The following RPS6KC1 variants were observed in gnomAD, a reference collection of about 807,000 sequenced individuals.
The protein encoded by RPS6KC1 is ribosomal protein S6 kinase C1, also known as inactive ribosomal protein S6 kinase delta-1.
Under a neutral mutation model 103.8 loss-of-function variants are expected in RPS6KC1, and 54 were observed. The observed-to-expected ratio is 0.52, with a 90% CI of 0.42 to 0.65. The LOEUF is 0.65. RPS6KC1 is among the 30% of genes least tolerant of loss of function. The probability of loss-of-function intolerance (pLI) is 0.00; values close to 1 mark genes in which losing one functional copy is unlikely to be tolerated. For missense variants in RPS6KC1, 1,151 were observed against 1,253.8 expected, an observed-to-expected ratio of 0.92 and a Z score of 1.24; for synonymous variants, 439 against 438.7, an observed-to-expected ratio of 1.00 and a Z score of -0.01.
At chr1:213,517,887 G>A in the RPS6KC1 span, among the ~76,000 whole-genome samples, 1 of 152,114 alleles carries the variant, frequency 6.6e-6, no homozygotes, top group African/African-American at 2.4e-5. Flanking sequence ...GGTGTCTAAG[G>A]ACTTGCTTTA....
At chr1:213,214,780 C>A (rs561094552) in intron 8 of RPS6KC1, among the ~76,000 whole-genome samples, 1 of 152,306 alleles carries the variant, frequency 6.6e-6, no homozygotes, top group African/African-American at 2.4e-5. Context: ...TGGAGTGGAC[C>A]TCCGGCAAAC....
At position 213,272,506 on chromosome 1, in the gene RPS6KC1, A is replaced by C. The variant is rs777429071; in HGVS notation, c.3091-18A>C. 11 of 1,595,290 alleles carry C rather than the reference A, an allele frequency of 6.9e-6. No homozygotes were observed. In the East Asian group the frequency reaches 2.2e-4, roughly 32 times the overall value. ...GCCAGTTGGATTCCTGTTACTCACT[A>C]AGTCCGTCTTTTTTTAGCTCTTGCA... On this transcript the variant is annotated intron_variant, in intron 14 of 14. Coordinates refer to ENST00000366960, the MANE Select transcript of RPS6KC1 (RefSeq NM_012424.6).
chr1:213,632,123 TA>T, the RPS6KC1 span, among the ~76,000 whole-genome samples: 12 of 152,236 alleles, frequency 7.9e-5, no homozygotes, highest in Non-Finnish European at 1.8e-4. Context: ...TATTCCACCA[TA>T]CACTTTTATC....
chr1:213,292,777 G>T, the RPS6KC1 span, among the ~76,000 whole-genome samples: 3 of 152,178 alleles, frequency 2.0e-5, no homozygotes, highest in African/African-American at 2.4e-5. Flanking sequence ...AGAACTGCAG[G>T]CCCTCTTAAA....
At chr1:213,449,722 T>C in the RPS6KC1 span, among the ~76,000 whole-genome samples, 1 of 152,370 alleles carries the variant, frequency 6.6e-6, no homozygotes, top group African/African-American at 2.4e-5. Flanking sequence ...TTCTGACGGC[T>C]CTGTCTCCTG....
chr1:213,097,930 G>A (rs2081614969), intron 3 of RPS6KC1, among the ~76,000 whole-genome samples: 1 of 152,170 alleles, frequency 6.6e-6, no homozygotes, highest in South Asian at 2.1e-4. Flanking sequence ...CCTTGCTCTG[G>A]AGTATGCTTT....
the RPS6KC1 span, among the ~76,000 whole-genome samples, chr1:213,364,106 C>G: frequency 1.3e-5 from 2 of 152,226 alleles, no homozygotes; most frequent in South Asian, 4.1e-4. Context: ...GTTATGCCTA[C>G]TCAACTCTGT....
the RPS6KC1 span, among the ~76,000 whole-genome samples, chr1:213,552,140 T>C: frequency 1.3e-4 from 20 of 152,216 alleles, no homozygotes; most frequent in African/African-American, 4.6e-4. Flanking sequence ...TTTTGTCAAT[T>C]ATGAATAAAC....
the RPS6KC1 span, among the ~76,000 whole-genome samples, chr1:213,755,500 A>G: frequency 6.6e-6 from 1 of 152,350 alleles, no homozygotes; most frequent in Non-Finnish European, 1.5e-5. Context: ...CCTCCACAGC[A>G]TCAGAAGAGC....
At chr1:213,391,979 T>A in the RPS6KC1 span, among the ~76,000 whole-genome samples, 1 of 152,168 alleles carries the variant, frequency 6.6e-6, no homozygotes, top group Non-Finnish European at 1.5e-5. Context: ...CTGCATGACC[T>A]CTCATAGTTA....
At chr1:213,232,675 G>T (rs2094131468) in intron 10 of RPS6KC1, among the ~76,000 whole-genome samples, 1 of 152,144 alleles carries the variant, frequency 6.6e-6, no homozygotes, top group African/African-American at 2.4e-5. Flanking sequence ...GAAGGCAAGG[G>T]TGTTGGCTTA....
At chr1:213,625,152 C>A in the RPS6KC1 span, among the ~76,000 whole-genome samples, 2 of 151,620 alleles carry the variant, frequency 1.3e-5, no homozygotes, top group African/African-American at 2.4e-5. Flanking sequence ...CCACGCCTGG[C>A]CAAAAGTTAT....
the RPS6KC1 span, among the ~76,000 whole-genome samples, chr1:213,645,174 T>G: frequency 2.6e-5 from 4 of 152,176 alleles, no homozygotes; most frequent in African/African-American, 9.7e-5. Flanking sequence ...CTGATGGTGA[T>G]GAGCACAGAC....
At chr1:213,509,232 G>T in the RPS6KC1 span, among the ~76,000 whole-genome samples, 1 of 152,242 alleles carries the variant, frequency 6.6e-6, no homozygotes, top group East Asian at 1.9e-4. Flanking sequence ...ACCAAATCTG[G>T]GTATTAAGGC....
chr1:213,334,328 C>T, the RPS6KC1 span, among the ~76,000 whole-genome samples: 1 of 152,154 alleles, frequency 6.6e-6, no homozygotes, highest in Non-Finnish European at 1.5e-5. Context: ...ACATTCTTCT[C>T]ATATATTATT....
the RPS6KC1 span, among the ~76,000 whole-genome samples, chr1:213,601,992 C>CTTTCTTTTCT: frequency 1.5e-4 from 3 of 20,126 alleles, no homozygotes; most frequent in African/African-American, 4.0e-4. Context: ...CTCTCTCTTT[C>CTTTCTTTTCT]TTTCTTTTCT....
At chr1:213,063,097 C>G (rs2077994246) in intron 1 of RPS6KC1, among the ~76,000 whole-genome samples, 1 of 152,192 alleles carries the variant, frequency 6.6e-6, no homozygotes, top group African/African-American at 2.4e-5. Context: ...GCAGAAAAAG[C>G]AGTTCATGGG....
the RPS6KC1 span, among the ~76,000 whole-genome samples, chr1:213,861,251 T>A: frequency 2.0e-5 from 3 of 152,106 alleles, no homozygotes; most frequent in Admixed American, 6.6e-5. Flanking sequence ...ATATTAATAA[T>A]TTGTCCCCAA....
chr1:213,282,844 C>T, the RPS6KC1 span, among the ~76,000 whole-genome samples: 90 of 152,354 alleles, frequency 5.9e-4, no homozygotes, highest in African/African-American at 2.1e-3. Flanking sequence ...TTCGAGGATG[C>T]AGGTTATTGG....
Sources: gnomAD v4.1 joint callset for allele counts (sites outside exome capture counted in the v4.1 genomes callset) on GRCh38, gnomAD v4.1.1 for gene constraint, MANE v1.5 for transcripts, NCBI Gene and HGNC (gene_info 2026-07-23, HGNC 2026-07-21) for gene names.